DHX57: variants seen among roughly 807,000 people sequenced by gnomAD.
DHX57 encodes the protein DExH-box helicase 57, also known as putative ATP-dependent RNA helicase DHX57.
In DHX57, 105 loss-of-function variants were observed where a neutral mutation model predicts 156.2. That is an observed-to-expected ratio of 0.67 (90% CI 0.57 to 0.79). The LOEUF (loss-of-function observed/expected upper bound fraction) is 0.79, where lower values mean the gene tolerates loss of function less well. Among genes scored for constraint, DHX57 ranks in the 30% least tolerant of loss-of-function variants. DHX57 has a pLI of 0.00. For synonymous variants in DHX57, 704 were observed against 595.6 expected (o/e 1.18, Z -2.65); for missense variants, 1,847 against 1,661.9 (o/e 1.11, Z -1.94).
rs530435570 is a variant in DHX57, at chr2:38,821,579, G to T, written c.3291+1414C>A. Reference sequence around the variant, plus strand: ...ATGGTGGCACACACCTGTAATCCCAGCTACTCGGGAGGCTGAGGCAGGAGA... The same window carrying T: ...ATGGTGGCACACACCTGTAATCCCATCTACTCGGGAGGCTGAGGCAGGAGA... On this transcript the variant is annotated intron_variant, in intron 17 of 23. Transcript: ENST00000457308. Among the ~76,000 whole-genome samples, 162 of 152,258 alleles carry T rather than the reference G, an allele frequency of 1.1e-3. 2 individuals carry two copies. The East Asian group carries it at 0.028, about 27-fold the overall frequency.
intron 20 of DHX57, among the ~76,000 whole-genome samples, chr2:38,814,220 G>A (rs1205654855): frequency 6.6e-6 from 1 of 152,198 alleles, no homozygotes; most frequent in Non-Finnish European, 1.5e-5. Flanking sequence ...TTACAGGCGT[G>A]AGCCACTGCG....
At chr2:38,832,703 G>A (rs891983286) in intron 13 of DHX57, among the ~76,000 whole-genome samples, 2 of 151,562 alleles carry the variant, frequency 1.3e-5, no homozygotes, top group South Asian at 2.1e-4. Context: ...CCATCACCAT[G>A]TCTGGCTAAT....
At chr2:38,868,861 G>C (rs1047859058) in intron 1 of DHX57, among the ~76,000 whole-genome samples, 1 of 151,974 alleles carries the variant, frequency 6.6e-6, no homozygotes, top group Non-Finnish European at 1.5e-5. Flanking sequence ...CGCCCAGGCC[G>C]GATGATCTCA....
intron 21 of DHX57, among the ~76,000 whole-genome samples, chr2:38,813,495 C>T (rs6708518): frequency 7.3e-5 from 11 of 151,672 alleles, no homozygotes; most frequent in East Asian, 2.0e-4. Context: ...CTCAGCCTCC[C>T]GAGTAGCTGG....
intron 1 of DHX57, among the ~76,000 whole-genome samples, chr2:38,871,399 T>G (rs895003281): frequency 6.6e-6 from 1 of 152,136 alleles, no homozygotes; most frequent in East Asian, 1.9e-4. Flanking sequence ...ACAAGTATAG[T>G]TGGGTATATA....
chr2:38,853,137 C>G (rs1285507993), intron 9 of DHX57: 1 of 153,522 alleles, frequency 6.5e-6, no homozygotes, highest in Non-Finnish European at 1.4e-5. Context: ...CTCACTGCAG[C>G]CTCAACCTCC....
At chr2:38,836,499 T>A (rs529100541) in intron 13 of DHX57, among the ~76,000 whole-genome samples, 1 of 152,290 alleles carries the variant, frequency 6.6e-6, no homozygotes, top group Non-Finnish European at 1.5e-5. Flanking sequence ...GTACACCAGG[T>A]GCAGTGGCTC....
At position 38,862,308 on chromosome 2, in the gene DHX57, C is replaced by A; in HGVS notation, c.409G>T (p.Asp137Tyr). The change falls in exon 4 of 24, where the codon GAT becomes TAT. Residue 137 changes from aspartate (D) to tyrosine (Y), a missense_variant. By Grantham distance (160) the Asp-to-Tyr change is radical. Coordinates refer to ENST00000457308, the MANE Select transcript of DHX57 (RefSeq NM_198963.3). ...SERGLSGEEE[D>Y]DEPDCCNDER... ...TCGTTACAGCAATCAGGCTCATCAT[C>A]TTCCTCCTCCCCAGAAAGGCCTCTT... 6.3e-7 allele frequency: 1 copy of A among 1,590,990 alleles called. No homozygotes were observed. The highest frequency in any genetic ancestry group is 8.6e-7 in the Non-Finnish European group (1 of 1,164,662).
At position 38,806,646 on chromosome 2, in the gene DHX57, G is replaced by C; in HGVS notation, c.3729C>G (p.Val1243=). 2 of 1,614,094 alleles carry C rather than the reference G, an allele frequency of 1.2e-6. No homozygotes were observed. The highest frequency in any genetic ancestry group is 8.5e-7 in the Non-Finnish European group (1 of 1,180,018). ...ACTCAGCTGATTTTGGTTGCATTCT[G>C]ACAGCTCCAGTACTGGTCTTCTGAA... ...GKFQKTSTGA[V]RMQPKSAELK... The change falls in exon 22 of 24, where the codon GTC becomes GTG. Residue 1243 remains valine, a synonymous_variant. Transcript: ENST00000457308.
rs1672828717 is a variant in DHX57 at position 38,855,170 on chromosome 2, A to C, written c.1792T>G (p.Cys598Gly). Residue 598 changes from cysteine (C) to glycine (G), a missense_variant, in exon 8 of 24, where the codon TGT (cysteine) becomes GGT (glycine). Transcript: ENST00000457308. ...GCAGAGATTCGTCGGGGTTGGGTAC[A>C]GATGATGTTGGCTACCTTCTCAGGT... ...GPPEKVANII[C>G]TQPRRISAIS... 6.2e-7 allele frequency: 1 copy of C among 1,614,172 alleles called. No homozygotes were observed. The highest frequency in any genetic ancestry group is 8.5e-7 in the Non-Finnish European group (1 of 1,180,036).
chr2:38,861,020 C>A lies in DHX57; in HGVS notation c.1390G>T (p.Val464Phe). ...ATACCTTCTGGAATTTGATTAGAAA[C>A]AAAAGAATTATTTGGAATCACTGTT... is the stretch of plus-strand genomic sequence containing the variant. ...HKTVIPNNSF[V>F]SNQIPEVEKA... The change falls in exon 5 of 24, where the codon GTT becomes TTT. Residue 464 changes from valine (V) to phenylalanine (F), a missense_variant. Val to Phe is a conservative substitution (Grantham distance 50). Transcript: ENST00000457308. 6.2e-7 allele frequency: 1 copy of A among 1,613,346 alleles called. No individual in the cohort carries two copies. The highest frequency in any genetic ancestry group is 8.5e-7 in the Non-Finnish European group (1 of 1,179,656).
intron 1 of DHX57, among the ~76,000 whole-genome samples, chr2:38,871,661 G>T (rs1019798790): frequency 6.6e-6 from 1 of 151,754 alleles, no homozygotes; most frequent in Non-Finnish European, 1.5e-5. Context: ...AAGTGGGCAC[G>T]ATACAGAGAG....
intron 21 of DHX57, chr2:38,811,095 T>G: frequency 1.8e-6 from 1 of 568,108 alleles, no homozygotes; most frequent in Non-Finnish European, 3.3e-6. Context: ...TTCTCCAAGA[T>G]TCCAGCCTCG....
intron 21 of DHX57, among the ~76,000 whole-genome samples, chr2:38,807,950 T>A (rs1670042104): frequency 1.8e-5 from 2 of 112,568 alleles, no homozygotes; most frequent in African/African-American, 7.2e-5. Flanking sequence ...CTTGCCTTTT[T>A]TTTTTTTTTT....
intron 22 of DHX57, chr2:38,806,288 T>G: frequency 5.4e-6 from 2 of 373,498 alleles, no homozygotes; most frequent in African/African-American, 2.1e-5. Context: ...TGTAATTAGC[T>G]CATGACTTCA....
intron 15 of DHX57, 32 bp from the exon 16 acceptor site, chr2:38,826,079 A>G: frequency 6.3e-7 from 1 of 1,598,388 alleles, no homozygotes; most frequent in Non-Finnish European, 8.5e-7. Flanking sequence ...AAATTGAGTC[A>G]TTTTATAAAA....
chr2:38,847,664 T>C (rs1205421356), intron 10 of DHX57, among the ~76,000 whole-genome samples: 2 of 152,146 alleles, frequency 1.3e-5, no homozygotes, highest in African/African-American at 2.4e-5. Flanking sequence ...TGAACAAATA[T>C]ACTGTCACAG....
chr2:38,805,398 G>A (rs1318849218), intron 22 of DHX57, among the ~76,000 whole-genome samples: 1 of 152,188 alleles, frequency 6.6e-6, no homozygotes, highest in Non-Finnish European at 1.5e-5. Context: ...CTCTGGATAT[G>A]AAGATTTAAG....
rs61207803 is a variant in DHX57, at chr2:38,800,004, A to G, written c.4018-1562T>C. On this transcript the variant is annotated intron_variant, in intron 23 of 23. Coordinates refer to ENST00000457308, the MANE Select transcript of DHX57 (RefSeq NM_198963.3). ...GGAGTTCAAGACCAGGCTGACCAAC[A>G]TGGAGAAACCCCGTCTCTACTAAAA... 1.6e-3 allele frequency among the ~76,000 whole-genome samples: 249 copies of G among 152,040 alleles called. 3 individuals carry two copies. The East Asian group carries it at 0.042, about 26-fold the overall frequency.
Sources: allele counts gnomAD v4.1 joint callset (sites outside exome capture counted in the v4.1 genomes callset), GRCh38; gene constraint gnomAD v4.1.1; transcripts MANE v1.5; gene names NCBI Gene and HGNC (gene_info 2026-07-23, HGNC 2026-07-21).